The following SYCP2L variants were observed in gnomAD, a reference collection of about 807,000 sequenced individuals.
The protein encoded by SYCP2L is synaptonemal complex protein 2-like.
Under a neutral mutation model 125.8 loss-of-function variants are expected in SYCP2L, and 98 were observed. The ratio of observed to expected loss-of-function variants is 0.78; its 90% CI spans 0.66 to 0.92. The LOEUF is 0.92. Among genes scored for constraint, SYCP2L ranks in the 40% least tolerant of loss-of-function variants. The pLI is 0.00. For missense variants in SYCP2L, 842 were observed against 936.4 expected (o/e 0.90, Z 1.32); for synonymous variants, 317 against 325.4 (o/e 0.97, Z 0.28).
rs761131591 is a variant in SYCP2L, at chr6:10,955,158, T to A, written c.1997T>A (p.Leu666Ter). The stretch of plus-strand genomic sequence containing the variant: ...TTTGCTAAGTCACAACAATCAAGAT[T>A]GGAAGAAGAGGTTGCTCCGGGATCC... ...GSFAKSQQSR[L>*]EEEVAPGSPF... The change falls in exon 24 of 30, where the codon TTG becomes TAG. Residue 666 changes from leucine to a stop codon, truncating the protein, a stop_gained. Transcript: ENST00000283141. LOFTEE classifies it high-confidence loss of function. The A allele has an allele frequency of 2.5e-6, 4 of 1,613,698 alleles. No homozygotes were observed. The highest frequency in any genetic ancestry group is 1.3e-5 in the African/African-American group (1 of 75,036).
chr6:10,916,896 G>A (rs1780704066), intron 14 of SYCP2L, among the ~76,000 whole-genome samples: 1 of 152,208 alleles, frequency 6.6e-6, no homozygotes, highest in South Asian at 2.1e-4. Flanking sequence ...GGAGGCTGAG[G>A]CAGGAAAATC....
chr6:10,916,401 G>T (rs1780696369), intron 14 of SYCP2L, among the ~76,000 whole-genome samples: 1 of 152,166 alleles, frequency 6.6e-6, no homozygotes, highest in African/African-American at 2.4e-5. Flanking sequence ...TCCTTGAGGT[G>T]TGACCTTAGA....
intron 12 of SYCP2L, among the ~76,000 whole-genome samples, chr6:10,911,277 C>G (rs1338879652): frequency 6.6e-6 from 1 of 152,148 alleles, no homozygotes; most frequent in Non-Finnish European, 1.5e-5. Flanking sequence ...TCCTTTCTCT[C>G]TCTCTCATTC....
chr6:10,924,104 G>A (rs1780856916), intron 14 of SYCP2L, among the ~76,000 whole-genome samples: 1 of 152,164 alleles, frequency 6.6e-6, no homozygotes, highest in Non-Finnish European at 1.5e-5. Context: ...TTAGAAATAA[G>A]TAGAATTTCA....
intron 25 of SYCP2L, among the ~76,000 whole-genome samples, chr6:10,958,287 T>C (rs1000837396): frequency 4.6e-5 from 7 of 152,244 alleles, no homozygotes; most frequent in African/African-American, 1.7e-4. Context: ...GGCATCTGCT[T>C]GGCTTCTGGG....
intron 21 of SYCP2L, among the ~76,000 whole-genome samples, chr6:10,938,563 C>T (rs1218848675): frequency 6.6e-6 from 1 of 152,100 alleles, no homozygotes; most frequent in East Asian, 1.9e-4. Flanking sequence ...CCAGTTCTAT[C>T]CAGGCAAGAA....
intron 2 of SYCP2L, 65 bp downstream of exon 2, chr6:10,891,646 T>TATATGA: frequency 3.4e-6 from 3 of 884,812 alleles, no homozygotes; most frequent in Admixed American, 2.2e-5. Flanking sequence ...TGTGTGTGTG[T>TATATGA]GTGTGTGTGT....
At chr6:10,898,719 T>A in intron 5 of SYCP2L, 105 bp from the exon 6 acceptor site, 1 of 808,776 alleles carries the variant, frequency 1.2e-6, no homozygotes, top group Non-Finnish European at 2.1e-6. Context: ...TTCTGTAAAG[T>A]CAATGCCTGC....
chr6:10,895,028 G>A (rs6919077), intron 4 of SYCP2L, among the ~76,000 whole-genome samples: 2,620 of 152,270 alleles, frequency 0.017, 80 homozygotes, highest in African/African-American at 0.06. Flanking sequence ...AGGAGAGAAA[G>A]CAAACTCCAG....
At chr6:10,948,516 A>G (rs989168333) in intron 23 of SYCP2L, among the ~76,000 whole-genome samples, 2 of 152,184 alleles carry the variant, frequency 1.3e-5, no homozygotes, top group Non-Finnish European at 1.5e-5. Flanking sequence ...GACAAATTAT[A>G]TCAATAGGTA....
intron 21 of SYCP2L, among the ~76,000 whole-genome samples, chr6:10,938,818 G>GA (rs796232240): frequency 2.2e-4 from 34 of 152,196 alleles, no homozygotes; most frequent in African/African-American, 7.7e-4. Flanking sequence ...AACTGTCTAA[G>GA]AAAGAAATCA....
chr6:10,937,442 A>G (rs190340697), intron 21 of SYCP2L, among the ~76,000 whole-genome samples: 469 of 152,346 alleles, frequency 3.1e-3, no homozygotes, highest in Non-Finnish European at 5.0e-3. Flanking sequence ...GAGCAGTGTT[A>G]AAAGGGGAGT....
At chr6:10,899,477 G>A (rs1415300469) in intron 6 of SYCP2L, among the ~76,000 whole-genome samples, 1 of 152,172 alleles carries the variant, frequency 6.6e-6, no homozygotes, top group African/African-American at 2.4e-5. Context: ...GAGCCCCAGA[G>A]TTTGAGGCTG....
rs191542254 is a variant in SYCP2L, at chr6:10,914,127, C to T, written c.1072+1200C>T. Among the ~76,000 whole-genome samples the T allele has an allele frequency of 3.0e-3, 463 of 152,200 alleles. 1 individual carries two copies. The highest frequency in any genetic ancestry group is 4.9e-3 in the Non-Finnish European group (334 of 68,010). ...GGATTACATGTGTGAGCCACCGTGC[C>T]CATTCTTCTAGAATTTTTATAGTTT... On this transcript the variant is annotated intron_variant, in intron 14 of 29. Transcript: ENST00000283141.
intron 21 of SYCP2L, among the ~76,000 whole-genome samples, chr6:10,936,123 A>G (rs1184030752): frequency 6.6e-6 from 1 of 152,184 alleles, no homozygotes; most frequent in Non-Finnish European, 1.5e-5. Context: ...AAGTACTTCA[A>G]TAACAATCTG....
intron 28 of SYCP2L, 79 bp downstream of exon 28, chr6:10,961,637 G>T (rs1010605662): frequency 1.4e-6 from 2 of 1,440,162 alleles, no homozygotes; most frequent in African/African-American, 2.8e-5. Flanking sequence ...TGGGCAGTTG[G>T]TGACGGTAAA....
chr6:10,950,974 T>C (rs1781400481), intron 23 of SYCP2L, among the ~76,000 whole-genome samples: 1 of 152,144 alleles, frequency 6.6e-6, no homozygotes, highest in Admixed American at 6.5e-5. Flanking sequence ...ATAATTTTTT[T>C]TTTAAGATTT....
At chr6:10,896,075 G>T (rs1445364896) in intron 4 of SYCP2L, among the ~76,000 whole-genome samples, 4 of 152,180 alleles carry the variant, frequency 2.6e-5, no homozygotes, top group African/African-American at 9.7e-5. Flanking sequence ...AATTGCTTAA[G>T]CTGGAGGTTG....
chr6:10,942,716 A>G lies in SYCP2L; in HGVS notation c.1924A>G (p.Lys642Glu), dbSNP rs201642672. ...ATCACTAACAGAAAGTACTAGCTTG[A>G]AACATAAGCTGAGAAACTTGGAAGA... The part of the protein sequence containing the change: ...QESLTESTSL[K>E]HKLRNLEDKD... The change falls in exon 23 of 30, where the codon AAA becomes GAA. Residue 642 changes from lysine (K) to glutamate (E), a missense_variant. Lys to Glu is a moderately conservative substitution (Grantham distance 56). Coordinates refer to ENST00000283141, the MANE Select transcript of SYCP2L (RefSeq NM_001040274.3). The G allele has an allele frequency of 6.9e-5, 111 of 1,613,358 alleles. No individual in the cohort carries two copies. In the South Asian group the frequency reaches 7.8e-4, roughly 11 times the overall value.
Sources: gnomAD v4.1 joint callset for allele counts (sites outside exome capture counted in the v4.1 genomes callset) on GRCh38, gnomAD v4.1.1 for gene constraint, MANE v1.5 for transcripts, NCBI Gene and HGNC (gene_info 2026-07-23, HGNC 2026-07-21) for gene names.